ROBO1: variants seen among roughly 807,000 people sequenced by gnomAD.
ROBO1 encodes the protein roundabout guidance receptor 1, also known as roundabout homolog 1.
Under a neutral mutation model 195.9 loss-of-function variants are expected in ROBO1, and 149 were observed. The ratio of observed to expected loss-of-function variants is 0.76; its 90% CI spans 0.67 to 0.87. The LOEUF (loss-of-function observed/expected upper bound fraction) is 0.87. ROBO1 is among the 40% of genes least tolerant of loss of function. The pLI is 0.00. For synonymous variants in ROBO1, 816 were observed against 733.2 expected (o/e 1.11, Z -1.82); for missense variants, 1,933 against 2,068.3 (o/e 0.93, Z 1.27).
chr3:79,565,870 C>T (rs1484609399), intron 2 of ROBO1, among the ~76,000 whole-genome samples: 1 of 151,870 alleles, frequency 6.6e-6, no homozygotes, highest in East Asian at 1.9e-4. Flanking sequence ...ATTTGCTTAC[C>T]CTTTTAAATG....
chr3:79,023,862 C>A (rs979626873), intron 3 of ROBO1, among the ~76,000 whole-genome samples: 1 of 151,266 alleles, frequency 6.6e-6, no homozygotes, highest in African/African-American at 2.4e-5. Flanking sequence ...GGCCACCACA[C>A]CCGGCTATTT....
At chr3:78,842,937 A>C in intron 4 of ROBO1, among the ~76,000 whole-genome samples, 1 of 152,118 alleles carries the variant, frequency 6.6e-6, no homozygotes, top group Non-Finnish European at 1.5e-5. Flanking sequence ...TATTTGCTAC[A>C]TTAGAGGGAT....
intron 2 of ROBO1, among the ~76,000 whole-genome samples, chr3:79,199,631 C>G (rs772952765): frequency 1.1e-3 from 165 of 151,406 alleles, no homozygotes; most frequent in Non-Finnish European, 3.4e-4. Context: ...CTGTTTCTAT[C>G]CTTTCTTCCT....
intron 2 of ROBO1, among the ~76,000 whole-genome samples, chr3:79,552,573 T>G (rs1360459332): frequency 6.6e-6 from 1 of 152,160 alleles, no homozygotes; most frequent in Non-Finnish European, 1.5e-5. Flanking sequence ...TGCCTGAATT[T>G]CTAATGTGCG....
At chr3:79,753,368 G>A (rs1400891798) in intron 1 of ROBO1, among the ~76,000 whole-genome samples, 1 of 152,000 alleles carries the variant, frequency 6.6e-6, no homozygotes, top group African/African-American at 2.4e-5. Flanking sequence ...CTATTTGCAA[G>A]AAGTCTTTTA....
chr3:79,482,594 C>A (rs889010222), intron 2 of ROBO1, among the ~76,000 whole-genome samples: 1 of 152,108 alleles, frequency 6.6e-6, no homozygotes, highest in African/African-American at 2.4e-5. Context: ...TACCCAGTCT[C>A]TGGTATGTCT....
At chr3:79,599,419 A>G (rs1944274256) in intron 1 of ROBO1, among the ~76,000 whole-genome samples, 1 of 152,098 alleles carries the variant, frequency 6.6e-6, no homozygotes, top group South Asian at 2.1e-4. Context: ...TAAAATCAAT[A>G]AAACAGTAAG....
chr3:79,517,929 G>GA (rs968136193), intron 2 of ROBO1, among the ~76,000 whole-genome samples: 2 of 152,204 alleles, frequency 1.3e-5, no homozygotes, highest in East Asian at 1.9e-4. Flanking sequence ...TCCCTTTCAG[G>GA]AAAAAATCTG....
At chr3:78,711,436 T>C (rs62257463) in intron 8 of ROBO1, among the ~76,000 whole-genome samples, 2,671 of 75,528 alleles carry the variant, frequency 0.035, 59 homozygotes, top group Admixed American at 0.044. Flanking sequence ...TCTTTCTTTC[T>C]TTCTTTCCTT....
At chr3:78,605,038 C>T (rs371570331) in intron 29 of ROBO1, among the ~76,000 whole-genome samples, 43 of 152,192 alleles carry the variant, frequency 2.8e-4, no homozygotes, top group African/African-American at 9.9e-4. Context: ...CTTACTTGTG[C>T]TCATCACCTC....
intron 25 of ROBO1, among the ~76,000 whole-genome samples, chr3:78,630,572 G>A (rs1018893136): frequency 5.3e-5 from 8 of 152,148 alleles, no homozygotes; most frequent in South Asian, 2.1e-4. Context: ...TTATGTTAAA[G>A]AAGCAGCTGT....
chr3:78,843,493 T>C (rs1257892645), intron 4 of ROBO1, among the ~76,000 whole-genome samples: 1 of 152,048 alleles, frequency 6.6e-6, no homozygotes, highest in Non-Finnish European at 1.5e-5. Context: ...TGATGTTCCA[T>C]CACTTGGTTA....
At chr3:79,654,670 T>G (rs1946108040) in intron 1 of ROBO1, among the ~76,000 whole-genome samples, 1 of 152,006 alleles carries the variant, frequency 6.6e-6, no homozygotes, top group Non-Finnish European at 1.5e-5. Context: ...ACTACCTTTC[T>G]AATTTCACGA....
At chr3:79,005,363 G>A (rs1395089024) in intron 3 of ROBO1, among the ~76,000 whole-genome samples, 1 of 152,144 alleles carries the variant, frequency 6.6e-6, no homozygotes, top group East Asian at 1.9e-4. Flanking sequence ...CATGAGTAAT[G>A]CTCTTAATGA....
intron 2 of ROBO1, among the ~76,000 whole-genome samples, chr3:79,363,944 C>T (rs1441346956): frequency 6.6e-6 from 1 of 152,066 alleles, no homozygotes; most frequent in Non-Finnish European, 1.5e-5. Flanking sequence ...AATAAAGGTG[C>T]CTGTAATCCC....
intron 25 of ROBO1, among the ~76,000 whole-genome samples, chr3:78,630,491 A>C (rs893986990): frequency 1.3e-5 from 2 of 152,126 alleles, no homozygotes; most frequent in Admixed American, 1.3e-4. Context: ...TCACAGAAAA[A>C]ACTGTATTTT....
intron 1 of ROBO1, among the ~76,000 whole-genome samples, chr3:79,760,638 A>G (rs1704651385): frequency 6.6e-6 from 1 of 150,386 alleles, no homozygotes; most frequent in African/African-American, 2.4e-5. Context: ...TGAATGTTCT[A>G]TGAAAACATG....
rs140671504 is a variant in ROBO1, at chr3:79,604,964, G to C, written c.-50-15003C>G. On this transcript the variant is annotated intron_variant, in intron 1 of 30. Transcript: ENST00000464233. ...CCATTTACTGCCAAGTTTAGTTACA[G>C]GTATTCCTTAAGAAGAGTTGTCTCT... Among the ~76,000 whole-genome samples the C allele has an allele frequency of 2.6e-5, 4 of 151,972 alleles. No individual in the cohort carries two copies. The East Asian group carries it at 7.8e-4, about 30-fold the overall frequency.
intron 2 of ROBO1, among the ~76,000 whole-genome samples, chr3:79,487,423 G>A (rs2107426503): frequency 6.6e-6 from 1 of 152,148 alleles, no homozygotes; most frequent in African/African-American, 2.4e-5. Flanking sequence ...CACCATGTTG[G>A]TCAGGCTGGT....
Sources: allele counts gnomAD v4.1 joint callset (sites outside exome capture counted in the v4.1 genomes callset), GRCh38; gene constraint gnomAD v4.1.1; transcripts MANE v1.5; gene names NCBI Gene and HGNC (gene_info 2026-07-23, HGNC 2026-07-21).